The following SRPX variants were observed in gnomAD, a reference collection of about 807,000 sequenced individuals.
The protein encoded by SRPX is sushi repeat containing protein X-linked, also known as sushi repeat-containing protein SRPX.
In SRPX, 24 loss-of-function variants were observed where a neutral mutation model predicts 38.1. The observed-to-expected ratio is 0.63, with a 90% confidence interval of 0.46 to 0.89. The LOEUF (loss-of-function observed/expected upper bound fraction) is 0.89. Among genes scored for constraint, SRPX ranks in the 40% least tolerant of loss-of-function variants. The pLI is 0.00. For missense variants in SRPX, 416 were observed against 377.8 expected (o/e 1.10, Z -0.84); for synonymous variants, 184 against 153.8 (o/e 1.20, Z -1.45).
rs189341996 is a variant in SRPX, at chrX:38,173,350, A to G, written c.349+810T>C. Among the ~76,000 whole-genome samples the G allele has an allele frequency of 2.7e-5, 3 of 112,186 alleles. No individual in the cohort carries two copies. In the Admixed American group the frequency reaches 2.8e-4, roughly 11 times the overall value. On this transcript the variant is annotated intron_variant, in intron 3 of 9. Coordinates refer to ENST00000378533, the MANE Select transcript of SRPX (RefSeq NM_006307.5). ...CCAGCCCCTGAAATGCTGCTCCTCT[A>G]AGCTTCTCCCTTGAGGCACACTCAC...
At chrX:38,213,093 TAAG>T (rs1464490553) in intron 1 of SRPX, among the ~76,000 whole-genome samples, 1 of 107,951 alleles carries the variant, frequency 9.3e-6, no homozygotes, top group African/African-American at 3.3e-5. Context: ...AGCACTATAC[TAAG>T]TGAAAGAAGC....
intron 9 of SRPX, among the ~76,000 whole-genome samples, chrX:38,153,273 CT>C (rs1463145367): frequency 9.5e-6 from 1 of 105,720 alleles, no homozygotes; most frequent in Non-Finnish European, 1.9e-5. Flanking sequence ...CATCCTGGCC[CT>C]CTGAGTTTTT....
At chrX:38,155,387 G>C (rs1938114818) in intron 8 of SRPX, among the ~76,000 whole-genome samples, 1 of 112,220 alleles carries the variant, frequency 8.9e-6, no homozygotes, top group African/African-American at 3.2e-5. Context: ...ATTTGGAGGA[G>C]GAGGGCACAC....
chrX:38,168,960 C>T (rs1224168050), intron 4 of SRPX, among the ~76,000 whole-genome samples: 2 of 112,053 alleles, frequency 1.8e-5, no homozygotes, highest in Non-Finnish European at 3.8e-5. Context: ...CAAGACCAGC[C>T]TGGACGACAT....
rs145867834 is a variant in SRPX at position 38,164,188 on chromosome X, G to A, written c.653+581C>T. Among the ~76,000 whole-genome samples the A allele has an allele frequency of 8.2e-3, 893 of 109,508 alleles. 33 individuals are homozygous for A. The highest frequency in any genetic ancestry group is 0.077 in the Admixed American group (790 of 10,242). ...GATGGCGTCTCACTCTGTCACCCAGGCTGGAGCACGGTGGTGCAATCTTGG... is the reference window on the plus strand; with the variant it reads ...GATGGCGTCTCACTCTGTCACCCAGACTGGAGCACGGTGGTGCAATCTTGG... On this transcript the variant is annotated intron_variant, in intron 5 of 9. Transcript: ENST00000378533.
Position 38,161,018 on chromosome X carries a change from A to C in SRPX, c.690T>G (p.Phe230Leu). ...ACTGGATCTTGTGGTCTCCTTCTGGAAAGTTGGAGCCTGGGGGGAGGCCTT... is the reference window on the plus strand; with the variant it reads ...ACTGGATCTTGTGGTCTCCTTCTGGCAAGTTGGAGCCTGGGGGGAGGCCTT... ...ILKGLPPGSN[F>L]PEGDHKIQYT... is the part of the protein sequence containing the mutation. The change falls in exon 6 of 10, where the codon TTT becomes TTG. Residue 230 changes from phenylalanine (F) to leucine (L), a missense_variant. Physicochemically the swap from Phe to Leu is conservative, Grantham distance 22. Transcript: ENST00000378533. 1 of 1,210,430 alleles carries C rather than the reference A, an allele frequency of 8.3e-7. No individual in the cohort carries two copies. The highest frequency in any genetic ancestry group is 1.1e-6 in the Non-Finnish European group (1 of 895,019).
chrX:38,164,938 T>C (rs992875299), intron 4 of SRPX, 43 bp from the exon 5 acceptor site: 10 of 1,175,035 alleles, frequency 8.5e-6, no homozygotes, highest in Admixed American at 4.5e-5. Flanking sequence ...TCAAGAAATA[T>C]CTAGTCAAAC....
Position 38,161,013 on chromosome X carries a change from T to C in SRPX, c.695A>G (p.Glu232Gly), listed in dbSNP as rs1938242993. The change falls in exon 6 of 10, where the codon GAA (glutamate) becomes GGA (glycine). Residue 232 changes from glutamate to glycine, a missense_variant. By Grantham distance (98) the Glu-to-Gly change is moderately conservative (BLOSUM62 -2). Transcript: ENST00000378533. Reference protein sequence around the residue: ...KGLPPGSNFPEGDHKIQYTVY... With the variant: ...KGLPPGSNFPGGDHKIQYTVY... The stretch of plus-strand genomic sequence containing the variant: ...TGTGTACTGGATCTTGTGGTCTCCT[T>C]CTGGAAAGTTGGAGCCTGGGGGGAG... 1 of 1,210,505 alleles carries C rather than the reference T, an allele frequency of 8.3e-7. No homozygotes were observed. The highest frequency in any genetic ancestry group is 1.1e-6 in the Non-Finnish European group (1 of 894,969).
At chrX:38,198,706 T>C (rs2147117173) in intron 1 of SRPX, among the ~76,000 whole-genome samples, 1 of 111,238 alleles carries the variant, frequency 9.0e-6, no homozygotes, top group East Asian at 2.8e-4. Flanking sequence ...GAGAGCAAAA[T>C]AAAAAAATGT....
At chrX:38,193,466 T>A (rs1164496298) in intron 1 of SRPX, among the ~76,000 whole-genome samples, 1 of 111,825 alleles carries the variant, frequency 8.9e-6, no homozygotes, top group Non-Finnish European at 1.9e-5. Context: ...TGCCAATGCT[T>A]CCTAGAAATT....
At chrX:38,220,559 T>C (rs777653491) in intron 1 of SRPX, 137 bp downstream of exon 1, 2 of 995,097 alleles carry the variant, frequency 2.0e-6, no homozygotes, top group East Asian at 7.8e-5. Flanking sequence ...ATCCCCACCC[T>C]CGGGCTGCGA....
At chrX:38,154,033 C>T (rs1938076211) in intron 9 of SRPX, 1 of 115,113 alleles carries the variant, frequency 8.7e-6, no homozygotes, top group Non-Finnish European at 1.8e-5. Flanking sequence ...GGTTATGAAA[C>T]TAAAATATAA....
chrX:38,169,626 G>C (rs1938430891), intron 4 of SRPX, among the ~76,000 whole-genome samples: 1 of 112,408 alleles, frequency 8.9e-6, no homozygotes, highest in Admixed American at 9.4e-5. Flanking sequence ...AGGAAAGTTT[G>C]TACATTGTCT....
chrX:38,171,187 G>C (rs904984265), intron 4 of SRPX, among the ~76,000 whole-genome samples: 2 of 111,201 alleles, frequency 1.8e-5, no homozygotes, highest in African/African-American at 6.5e-5. Context: ...GTCCCTAGAG[G>C]ACTTCGCTGC....
intron 1 of SRPX, among the ~76,000 whole-genome samples, chrX:38,195,390 T>G (rs376747699): frequency 0.28 from 29,617 of 106,307 alleles, 4,090 homozygotes; most frequent in Non-Finnish European, 0.41. Context: ...TGGTTTTTTT[T>G]TTTTTTTTTT....
At chrX:38,170,056 T>A (rs1361785411) in intron 4 of SRPX, among the ~76,000 whole-genome samples, 2 of 112,196 alleles carry the variant, frequency 1.8e-5, no homozygotes, top group Admixed American at 9.5e-5. Context: ...GAAATAACTA[T>A]GAATTTCAGC....
intron 1 of SRPX, 94 bp downstream of exon 1, chrX:38,220,602 C>T (rs1481934006): frequency 1.8e-6 from 2 of 1,100,045 alleles, no homozygotes; most frequent in Non-Finnish European, 2.4e-6. Flanking sequence ...AGGGCGCCCC[C>T]GGCACCTCCC....
At chrX:38,186,165 C>T (rs1395916916) in intron 1 of SRPX, among the ~76,000 whole-genome samples, 1 of 111,967 alleles carries the variant, frequency 8.9e-6, no homozygotes, top group East Asian at 2.8e-4. Context: ...CTGTCTCACA[C>T]TCTCTCTCTT....
chrX:38,188,207 T>C (rs1414217620), intron 1 of SRPX, among the ~76,000 whole-genome samples: 1 of 112,264 alleles, frequency 8.9e-6, no homozygotes, highest in Non-Finnish European at 1.9e-5. Context: ...AAGATTAGTC[T>C]AAACCTTTTG....
Sources: gnomAD v4.1 joint callset for allele counts (sites outside exome capture counted in the v4.1 genomes callset) on GRCh38, gnomAD v4.1.1 for gene constraint, MANE v1.5 for transcripts, NCBI Gene and HGNC (gene_info 2026-07-23, HGNC 2026-07-21) for gene names.